The following DTNB variants were observed in gnomAD, a reference collection of about 807,000 sequenced individuals.
The protein encoded by DTNB is DTN-B.
Under a neutral mutation model 90.7 loss-of-function variants are expected in DTNB, and 63 were observed. The ratio of observed to expected loss-of-function variants is 0.69; its 90% confidence interval spans 0.57 to 0.86. The LOEUF (loss-of-function observed/expected upper bound fraction) is 0.86, where lower values mean the gene tolerates loss of function less well. Among genes scored for constraint, DTNB ranks in the 40% least tolerant of loss-of-function variants. The probability of loss-of-function intolerance (pLI) is 0.00; values close to 1 mark genes in which losing one functional copy is unlikely to be tolerated. For missense variants in DTNB, 744 were observed against 807.1 expected (o/e 0.92, Z 0.95); for synonymous variants, 277 against 286.7 (o/e 0.97, Z 0.34).
intron 14 of DTNB, 111 bp downstream of exon 14, chr2:25,432,775 A>G: frequency 8.8e-7 from 1 of 1,142,804 alleles, no homozygotes; most frequent in South Asian, 1.3e-5. Context: ...GTCTGCGCTC[A>G]CAGGATTGTT....
chr2:25,631,174 G>T (rs1366639407), intron 3 of DTNB, among the ~76,000 whole-genome samples: 1 of 152,136 alleles, frequency 6.6e-6, no homozygotes, highest in Admixed American at 6.5e-5. Flanking sequence ...TCAGTGAAAA[G>T]ACTGTACACT....
Position 25,496,651 on chromosome 2 carries a change from G to A in DTNB, c.1002-13778C>T, listed in dbSNP as rs373147095. On this transcript the variant is annotated intron_variant, in intron 9 of 20. Coordinates refer to ENST00000406818, the MANE Select transcript of DTNB (RefSeq NM_021907.5). ...CTGAGGTCAAAAGTTCAAGACGAGC[G>A]TGGCCAACATGTAAAGCCCTATCTC... Among the ~76,000 whole-genome samples, 19 of 152,156 alleles carry A rather than the reference G, an allele frequency of 1.2e-4. No individual in the cohort carries two copies. The East Asian group carries it at 2.9e-3, about 23-fold the overall frequency.
At chr2:25,630,642 C>T (rs1462911807) in intron 3 of DTNB, among the ~76,000 whole-genome samples, 9 of 151,852 alleles carry the variant, frequency 5.9e-5, no homozygotes, top group African/African-American at 2.2e-4. Context: ...GTTGGGAGTT[C>T]GAGACCAGCC....
intron 10 of DTNB, among the ~76,000 whole-genome samples, chr2:25,475,737 C>CT (rs934391681): frequency 1.3e-5 from 2 of 152,306 alleles, no homozygotes; most frequent in East Asian, 3.9e-4. Context: ...CAGCTGGTGA[C>CT]TTTAACTTGA....
chr2:25,496,411 G>A (rs1227489198), intron 9 of DTNB, among the ~76,000 whole-genome samples: 2 of 152,062 alleles, frequency 1.3e-5, no homozygotes, highest in Admixed American at 6.5e-5. Context: ...GCTCATAGAG[G>A]GGTCAACAAA....
chr2:25,390,522 C>T (rs1250458647), intron 16 of DTNB, among the ~76,000 whole-genome samples: 1 of 151,530 alleles, frequency 6.6e-6, no homozygotes, highest in South Asian at 2.1e-4. Context: ...TGGCTCAGTG[C>T]AACCTCCGTC....
intron 16 of DTNB, among the ~76,000 whole-genome samples, chr2:25,411,015 G>C (rs932918782): frequency 1.3e-5 from 2 of 150,832 alleles, no homozygotes; most frequent in African/African-American, 2.4e-5. Flanking sequence ...CTTTGCTCCT[G>C]GGGGGCCATC....
At chr2:25,422,395 CTTTTTTTTTTTTTT>C (rs146697158) in intron 15 of DTNB, among the ~76,000 whole-genome samples, 120 of 82,946 alleles carry the variant, frequency 1.4e-3, no homozygotes, top group Non-Finnish European at 2.4e-3. Flanking sequence ...CTTTTCTCTT[CTTTTTTTTTTTTTT>C]TTTTTTTTTT....
chr2:25,555,227 C>T (rs1427429879), intron 8 of DTNB, among the ~76,000 whole-genome samples: 1 of 142,722 alleles, frequency 7.0e-6, no homozygotes, highest in East Asian at 2.1e-4. Context: ...GGAGGCGGAG[C>T]TTGCAGTGAA....
At chr2:25,616,630 T>TTAAAAA (rs529251107) in intron 4 of DTNB, among the ~76,000 whole-genome samples, 1 of 117,684 alleles carries the variant, frequency 8.5e-6, no homozygotes. Context: ...CTATTTATAG[T>TTAAAAA]AAAAAAAAAA....
chr2:25,500,039 G>C (rs1439270233), intron 9 of DTNB, among the ~76,000 whole-genome samples: 2 of 152,018 alleles, frequency 1.3e-5, no homozygotes. Flanking sequence ...TGGATTACAG[G>C]TGCACCACCA....
intron 6 of DTNB, among the ~76,000 whole-genome samples, chr2:25,586,715 AAAG>A (rs1414505229): frequency 1.3e-5 from 2 of 152,102 alleles, no homozygotes; most frequent in Non-Finnish European, 2.9e-5. Context: ...TAAAAACATC[AAAG>A]AAGAAGGCAT....
intron 12 of DTNB, among the ~76,000 whole-genome samples, chr2:25,445,231 T>C (rs2058215370): frequency 6.6e-6 from 1 of 151,156 alleles, no homozygotes; most frequent in South Asian, 2.1e-4. Flanking sequence ...TATTTATACA[T>C]TTTAATGTCT....
intron 9 of DTNB, among the ~76,000 whole-genome samples, chr2:25,528,345 T>C (rs2077542261): frequency 1.3e-5 from 2 of 152,254 alleles, no homozygotes; most frequent in South Asian, 2.1e-4. Context: ...CTCTGTGGGA[T>C]TAGTAATAAC....
chr2:25,644,191 T>A (rs1236391080), intron 2 of DTNB, among the ~76,000 whole-genome samples: 1 of 152,248 alleles, frequency 6.6e-6, no homozygotes, highest in African/African-American at 2.4e-5. Context: ...TTTATTCCTC[T>A]ACTTTCTTAA....
At chr2:25,626,660 G>A (rs994865906) in intron 4 of DTNB, among the ~76,000 whole-genome samples, 17 of 152,064 alleles carry the variant, frequency 1.1e-4, no homozygotes, top group African/African-American at 3.9e-4. Context: ...ATCTGATAAC[G>A]GCTTATAAAA....
chr2:25,381,432 T>A (rs2037729128), intron 19 of DTNB, among the ~76,000 whole-genome samples: 1 of 152,202 alleles, frequency 6.6e-6, no homozygotes, highest in African/African-American at 2.4e-5. Flanking sequence ...CAGGCTGGAA[T>A]GCAGTGGCGT....
chr2:25,526,395 A>ATAT, intron 9 of DTNB, among the ~76,000 whole-genome samples: 56 of 49,818 alleles, frequency 1.1e-3, no homozygotes, highest in South Asian at 7.4e-3. Context: ...ATATATATAT[A>ATAT]TTTTTTTTTT....
intron 5 of DTNB, among the ~76,000 whole-genome samples, chr2:25,602,198 TG>T (rs745585855): frequency 5.3e-5 from 8 of 152,080 alleles, no homozygotes; most frequent in Non-Finnish European, 8.8e-5. Flanking sequence ...GGCTGGAGGG[TG>T]GGAGTCTGCA....
Sources: allele counts gnomAD v4.1 joint callset (sites outside exome capture counted in the v4.1 genomes callset), GRCh38; gene constraint gnomAD v4.1.1; transcripts MANE v1.5; gene names NCBI Gene and HGNC (gene_info 2026-07-23, HGNC 2026-07-21).